The following TMEM161B variants were observed in gnomAD, a reference collection of about 807,000 sequenced individuals.
TMEM161B encodes transmembrane protein 161B.
A neutral mutation model predicts 61.8 loss-of-function variants in TMEM161B; 34 were observed. That is an observed-to-expected ratio of 0.55 (90% CI 0.42 to 0.73). The LOEUF is 0.73. Ranked by LOEUF, TMEM161B falls within the 30% of genes least tolerant of loss-of-function variation. The pLI is 0.00. For synonymous variants in TMEM161B, 167 were observed against 192.8 expected (o/e 0.87, Z 1.11); for missense variants, 456 against 558.5 (o/e 0.82, Z 1.85).
At chr5:88,188,073 G>A (rs562453774), downstream of TMEM161B, among the ~76,000 whole-genome samples, 17 of 152,072 alleles carry the variant, frequency 1.1e-4, no homozygotes, top group South Asian at 3.3e-3. Flanking sequence ...TAATTCCATG[G>A]TGGTCAGAAA....
Position 88,228,445 on chromosome 5 carries a change from C to T in TMEM161B, c.191G>A (p.Arg64Lys), listed in dbSNP as rs1237565052. The change falls in exon 3 of 12, where the codon AGG becomes AAG. Residue 64 changes from arginine (R) to lysine (K), a missense_variant and splice_region_variant. By Grantham distance (26) the Arg-to-Lys change is conservative. Around this residue, in one of 3 missense-constraint regions of TMEM161B, gnomAD observed 85 missense variants for 111.2 expected, o/e 0.76. Coordinates refer to ENST00000296595, the MANE Select transcript of TMEM161B (RefSeq NM_153354.5). ...KQQKGKTKKDRKYNGHIESKP... is the reference protein window; with the variant it reads ...KQQKGKTKKDKKYNGHIESKP... Reference sequence around the variant, plus strand: ...ACTTTACAAGCTCAATAAAACTTACCTATCTTTTTTGGTTTTCCCTTTTTG... The same window carrying T: ...ACTTTACAAGCTCAATAAAACTTACTTATCTTTTTTGGTTTTCCCTTTTTG... 6.3e-7 allele frequency: 1 copy of T among 1,596,470 alleles called. No homozygotes were observed. The highest frequency in any genetic ancestry group is 1.3e-5 in the African/African-American group (1 of 74,404).
chr5:88,217,952 T>C (rs1268415800), intron 5 of TMEM161B, among the ~76,000 whole-genome samples: 2 of 147,744 alleles, frequency 1.4e-5, no homozygotes, highest in East Asian at 3.9e-4. Context: ...ATATCTTAAA[T>C]AGACACGGGA....
chr5:88,221,872 C>A, intron 4 of TMEM161B: 1 of 398,764 alleles, frequency 2.5e-6, no homozygotes, highest in Non-Finnish European at 5.1e-6. Flanking sequence ...AAATATAATG[C>A]AATTACACTT....
At chr5:88,231,997 AT>A (rs966917518) in intron 2 of TMEM161B, among the ~76,000 whole-genome samples, 4 of 151,342 alleles carry the variant, frequency 2.6e-5, no homozygotes, top group African/African-American at 7.3e-5. Flanking sequence ...TAAGTATAGC[AT>A]TTTTTTTTAG....
intron 1 of TMEM161B, among the ~76,000 whole-genome samples, chr5:88,262,661 G>GT (rs1477839800): frequency 1.3e-5 from 2 of 152,108 alleles, no homozygotes; most frequent in Non-Finnish European, 2.9e-5. Context: ...TCTACATACT[G>GT]TAAGATTCCA....
At chr5:88,190,066 G>C (rs1748632418), downstream of TMEM161B, 1 of 700,454 alleles carries the variant, frequency 1.4e-6, no homozygotes. Flanking sequence ...AGAAGCACAT[G>C]GGTTATTTCA....
intron 1 of TMEM161B, among the ~76,000 whole-genome samples, chr5:88,246,977 C>A (rs1489423166): frequency 6.6e-6 from 1 of 151,952 alleles, no homozygotes; most frequent in Non-Finnish European, 1.5e-5. Context: ...GGCACTGATT[C>A]TCTTGATAAC....
chr5:88,228,464 C>G lies in TMEM161B; in HGVS notation c.172G>C (p.Gly58Arg). Residue 58 changes from glycine (G) to arginine (R), a missense_variant, in exon 3 of 12, where the codon GGG becomes CGG. Gly to Arg is a moderately radical substitution (Grantham distance 125). Around this residue, in one of 3 missense-constraint regions of TMEM161B, gnomAD observed 85 missense variants for 111.2 expected, o/e 0.76. Coordinates refer to ENST00000296595, the MANE Select transcript of TMEM161B (RefSeq NM_153354.5). ...ACTTACCTATCTTTTTTGGTTTTCC[C>G]TTTTTGTTGTTTCCCTGCAAGAATT... is the stretch of plus-strand genomic sequence containing the variant. ...LRILAGKQQK[G>R]KTKKDRKYNG... The G allele has an allele frequency of 6.2e-7, 1 of 1,607,120 alleles. No individual in the cohort carries two copies. Among genetic ancestry groups the G allele is most frequent in the Non-Finnish European group, 8.5e-7 (1 of 1,177,514 alleles).
At chr5:88,207,201 G>T in intron 5 of TMEM161B, 21 bp from the exon 6 acceptor site, 1 of 1,592,556 alleles carries the variant, frequency 6.3e-7, no homozygotes, top group Non-Finnish European at 8.5e-7. Flanking sequence ...AAAAGTTCAG[G>T]AAAAACCACA....
intron 1 of TMEM161B, among the ~76,000 whole-genome samples, chr5:88,264,243 A>G (rs1461650900): frequency 6.6e-6 from 1 of 152,218 alleles, no homozygotes; most frequent in Non-Finnish European, 1.5e-5. Flanking sequence ...ATTTACAAGA[A>G]AAAAACAACA....
In TMEM161B at chr5:88,207,032, T is replaced by C. The variant is rs1265545786; in HGVS notation, c.595A>G (p.Thr199Ala). ...TENYLEFGLE[T>A]GFTNFSDSAM... ...TAAAGTTGTATGAAACTATTACCTGTTTCAAGTCCAAATTCCAGATAATTT... is the reference window on the plus strand; with the variant it reads ...TAAAGTTGTATGAAACTATTACCTGCTTCAAGTCCAAATTCCAGATAATTT... The change falls in exon 6 of 12, where the codon ACA becomes GCA. Residue 199 changes from threonine to alanine, a missense_variant. Thr to Ala is a moderately conservative substitution (Grantham distance 58, BLOSUM62 0). This residue lies in a region of TMEM161B where 367 missense variants were observed against 427.3 expected (regional missense o/e 0.86). Transcript: ENST00000296595. 1.2e-6 allele frequency: 2 copies of C among 1,611,184 alleles called. No homozygotes were observed. The highest frequency in any genetic ancestry group is 1.7e-6 in the Non-Finnish European group (2 of 1,179,334).
At chr5:88,203,127 T>C (rs746204647) in intron 8 of TMEM161B, 52 bp from the exon 9 acceptor site, 1 of 1,126,882 alleles carries the variant, frequency 8.9e-7, no homozygotes, top group South Asian at 1.3e-5. Context: ...CACGTGCTAA[T>C]AAACTACAGA....
chr5:88,267,714 T>C (rs923460939), intron 1 of TMEM161B, among the ~76,000 whole-genome samples: 12 of 152,166 alleles, frequency 7.9e-5, no homozygotes, highest in Non-Finnish European at 1.3e-4. Flanking sequence ...CTGTAGAACT[T>C]AGATAAGACT....
At chr5:88,200,576 T>C (rs1451409836) in intron 9 of TMEM161B, 1 of 152,108 alleles carries the variant, frequency 6.6e-6, no homozygotes, top group African/African-American at 2.4e-5. Context: ...TTTGTTCAGT[T>C]TATGAGTTGA....
At chr5:88,204,810 C>T (rs1319479141) in intron 8 of TMEM161B, among the ~76,000 whole-genome samples, 1 of 146,542 alleles carries the variant, frequency 6.8e-6, no homozygotes, top group Non-Finnish European at 1.5e-5. Flanking sequence ...AGTAAGTAAA[C>T]ACATGTACAA....
At position 88,195,810 on chromosome 5, in the gene TMEM161B, A is replaced by AT. The variant is rs1373220489; in HGVS notation, c.*400dup. On this transcript the variant is annotated 3_prime_UTR_variant, in exon 12 of 12. Coordinates refer to ENST00000296595, the MANE Select transcript of TMEM161B (RefSeq NM_153354.5). ...CCCTAAAGCATGGCTCAGTTTGAAG[A>AT]TTGTTCTATAGGCAGCCACTATGAC... 1.0e-6 allele frequency: 1 copy of AT among 991,604 alleles called. No homozygotes were observed. The highest frequency in any genetic ancestry group is 1.7e-5 in the African/African-American group (1 of 57,268). The allele number at this position is 991,604 out of a possible 1,614,324, so 61.4% of individuals were successfully genotyped here.
intron 8 of TMEM161B, chr5:88,205,610 G>A (rs1296390981): frequency 6.5e-6 from 3 of 458,994 alleles, no homozygotes; most frequent in South Asian, 3.7e-5. Context: ...TTTAGTAATC[G>A]ATGATGTATC....
chr5:88,235,841 T>A (rs1305272545), intron 2 of TMEM161B, among the ~76,000 whole-genome samples: 1 of 152,162 alleles, frequency 6.6e-6, no homozygotes. Context: ...AGACAATCTT[T>A]CAGCGCAAGT....
At chr5:88,225,218 T>C (rs968310743) in intron 4 of TMEM161B, among the ~76,000 whole-genome samples, 9 of 152,198 alleles carry the variant, frequency 5.9e-5, no homozygotes, top group Middle Eastern at 3.4e-3. Flanking sequence ...CCGCCCGCCT[T>C]GGCCTCCCAA....
Sources: gnomAD v4.1 joint callset for allele counts (sites outside exome capture counted in the v4.1 genomes callset) on GRCh38, gnomAD v4.1.1 for gene constraint, gnomAD v4.1.1 regional missense constraint, MANE v1.5 for transcripts, NCBI Gene and HGNC (gene_info 2026-07-23, HGNC 2026-07-21) for gene names.